The following EYS variants were observed in gnomAD, a reference collection of about 807,000 sequenced individuals.
EYS encodes the protein EGF-like photoreceptor maintenance factor.
In EYS, 250 loss-of-function variants were observed where a neutral mutation model predicts 282.1. The ratio of observed to expected loss-of-function variants is 0.89; its 90% CI spans 0.80 to 0.98. The LOEUF (loss-of-function observed/expected upper bound fraction) is 0.98, where lower values mean the gene tolerates loss of function less well. Ranked by LOEUF, EYS falls within the 50% of genes least tolerant of loss-of-function variation. EYS has a pLI of 0.00. For missense variants in EYS, 4,016 were observed against 3,709.0 expected (o/e 1.08, Z -2.15); for synonymous variants, 1,355 against 1,282.9 (o/e 1.06, Z -1.20).
At chr6:64,095,256 G>C (rs1177720534) in intron 31 of EYS, among the ~76,000 whole-genome samples, 1 of 152,204 alleles carries the variant, frequency 6.6e-6, no homozygotes, top group African/African-American at 2.4e-5. Context: ...GAGTTCTGTA[G>C]ATGTCTCTTA....
At chr6:65,643,923 C>T (rs1052529821) in intron 1 of EYS, among the ~76,000 whole-genome samples, 1 of 152,102 alleles carries the variant, frequency 6.6e-6, no homozygotes, top group African/African-American at 2.4e-5. Context: ...ATCTGAACAG[C>T]AGCTCTTGAG....
At chr6:64,801,535 T>C (rs1028220559) in intron 22 of EYS, among the ~76,000 whole-genome samples, 13 of 121,264 alleles carry the variant, frequency 1.1e-4, no homozygotes, top group African/African-American at 2.7e-4. Context: ...AATTGTTATA[T>C]ACTCTGGGTT....
At position 65,004,011 on chromosome 6, in the gene EYS, CCTGT is replaced by C. The variant is rs879516391; in HGVS notation, c.2138-6312_2138-6309del. 2.0e-5 allele frequency among the ~76,000 whole-genome samples: 3 copies of C among 146,832 alleles called. 1 individual carries two copies. Among genetic ancestry groups the C allele is most frequent in the Non-Finnish European group, 4.6e-5 (3 of 65,758 alleles). ...CTTTTCCCTCTTTCCTTCTTTTCTT[CCTGT>C]CTTTTTCCTCTATAAATTTATATTT... On this transcript the variant is annotated intron_variant, in intron 13 of 42. Coordinates refer to ENST00000503581, the MANE Select transcript of EYS (RefSeq NM_001142800.2).
At chr6:65,322,342 G>C (rs1000466739) in intron 11 of EYS, among the ~76,000 whole-genome samples, 2 of 152,162 alleles carry the variant, frequency 1.3e-5, no homozygotes, top group Admixed American at 1.3e-4. Flanking sequence ...GGAAACACAG[G>C]TCTCAGGAGT....
intron 35 of EYS, among the ~76,000 whole-genome samples, chr6:63,946,192 T>A (rs1346599835): frequency 6.6e-6 from 1 of 152,182 alleles, no homozygotes; most frequent in African/African-American, 2.4e-5. Context: ...CCCAGCCCAA[T>A]GCTTGTATTG....
At chr6:65,687,984 T>C (rs1484874122) in intron 1 of EYS, among the ~76,000 whole-genome samples, 1 of 152,084 alleles carries the variant, frequency 6.6e-6, no homozygotes, top group African/African-American at 2.4e-5. Flanking sequence ...GAAGAATCAA[T>C]ATCGTGAAAA....
chr6:65,138,777 C>G (rs1352127565), intron 12 of EYS, among the ~76,000 whole-genome samples: 1 of 152,014 alleles, frequency 6.6e-6, no homozygotes, highest in Non-Finnish European at 1.5e-5. Flanking sequence ...AATAACTGAC[C>G]TGCTCTAGCC....
intron 12 of EYS, among the ~76,000 whole-genome samples, chr6:65,294,985 C>T (rs1165938984): frequency 6.6e-6 from 1 of 151,844 alleles, no homozygotes; most frequent in Non-Finnish European, 1.5e-5. Context: ...AATGATATCA[C>T]CATTTCCATT....
intron 15 of EYS, among the ~76,000 whole-genome samples, chr6:64,922,701 T>A (rs1035384189): frequency 6.6e-6 from 1 of 152,126 alleles, no homozygotes; most frequent in African/African-American, 2.4e-5. Flanking sequence ...TAGTCTGCCA[T>A]CTTGACCCAA....
chr6:65,317,843 T>TTTCTTTCC (rs1769348294), intron 11 of EYS, among the ~76,000 whole-genome samples: 1 of 50,482 alleles, frequency 2.0e-5, no homozygotes, highest in Non-Finnish European at 3.7e-5. Flanking sequence ...TCTTTCTTTC[T>TTTCTTTCC]TTCTTTCTTT....
At chr6:65,532,675 T>G (rs1428579240) in intron 2 of EYS, among the ~76,000 whole-genome samples, 3 of 152,204 alleles carry the variant, frequency 2.0e-5, no homozygotes, top group African/African-American at 4.8e-5. Flanking sequence ...TTTGCTGTCC[T>G]GGAGCACAGG....
At chr6:64,162,864 C>A (rs568037436) in intron 31 of EYS, among the ~76,000 whole-genome samples, 1 of 152,094 alleles carries the variant, frequency 6.6e-6, no homozygotes, top group African/African-American at 2.4e-5. Context: ...TAGCTTCGAC[C>A]TTATGGTACC....
chr6:65,124,581 A>C (rs1310349548), intron 12 of EYS, among the ~76,000 whole-genome samples: 2 of 152,220 alleles, frequency 1.3e-5, no homozygotes, highest in Non-Finnish European at 2.9e-5. Flanking sequence ...TCTCCTGACT[A>C]CATCAATCTG....
At chr6:64,543,156 T>G (rs926066619) in intron 26 of EYS, among the ~76,000 whole-genome samples, 1 of 152,142 alleles carries the variant, frequency 6.6e-6, no homozygotes, top group African/African-American at 2.4e-5. Context: ...TGCCATTAAT[T>G]TATAGCTTTA....
chr6:64,500,842 T>C (rs1014919725), intron 26 of EYS, among the ~76,000 whole-genome samples: 2 of 152,108 alleles, frequency 1.3e-5, no homozygotes, highest in Non-Finnish European at 2.9e-5. Context: ...TGGGACTAAA[T>C]TGACCATGGC....
intron 41 of EYS, among the ~76,000 whole-genome samples, chr6:63,757,805 C>T (rs915087564): frequency 1.3e-5 from 2 of 152,162 alleles, no homozygotes; most frequent in Non-Finnish European, 2.9e-5. Flanking sequence ...TTTTATACTG[C>T]TTTGGATCTC....
intron 26 of EYS, among the ~76,000 whole-genome samples, chr6:64,448,712 C>T (rs746997552): frequency 2.3e-4 from 35 of 152,144 alleles, no homozygotes; most frequent in Non-Finnish European, 4.7e-4. Flanking sequence ...ATCCGCTGTT[C>T]TGCATCCTCC....
intron 12 of EYS, among the ~76,000 whole-genome samples, chr6:65,129,017 AC>A (rs1775795101): frequency 6.6e-6 from 1 of 151,922 alleles, no homozygotes; most frequent in Non-Finnish European, 1.5e-5. Context: ...TACAGCTACA[AC>A]CATTTCATCT....
chr6:64,980,274 A>C (rs181151598), intron 14 of EYS, among the ~76,000 whole-genome samples: 1 of 151,648 alleles, frequency 6.6e-6, no homozygotes, highest in African/African-American at 2.4e-5. Flanking sequence ...TCCCCCTTTA[A>C]GGCATTAAAA....
Sources: allele counts gnomAD v4.1 joint callset (sites outside exome capture counted in the v4.1 genomes callset), GRCh38; gene constraint gnomAD v4.1.1; transcripts MANE v1.5; gene names NCBI Gene and HGNC (gene_info 2026-07-23, HGNC 2026-07-21).